The following BMPR1B variants were observed in gnomAD, a reference collection of about 807,000 sequenced individuals.
BMPR1B encodes bone morphogenetic protein receptor type-1B.
BMPR1B carries 12 observed loss-of-function variants against 59.1 expected under a neutral mutation model. That is an observed-to-expected ratio of 0.20 (90% CI 0.13 to 0.33). BMPR1B has a LOEUF of 0.33. Ranked by LOEUF, BMPR1B falls within the 10% of genes least tolerant of loss-of-function variation. The probability of loss-of-function intolerance (pLI) is 1.00; values close to 1 mark genes in which losing one functional copy is unlikely to be tolerated. For synonymous variants in BMPR1B, 237 were observed against 207.3 expected (o/e 1.14, Z -1.23); for missense variants, 550 against 610.9 (o/e 0.90, Z 1.05).
chr4:94,891,190 T>A (rs1262546648), intron 2 of BMPR1B, among the ~76,000 whole-genome samples: 1 of 152,076 alleles, frequency 6.6e-6, no homozygotes, highest in Non-Finnish European at 1.5e-5. Flanking sequence ...ATAGCTTGTT[T>A]GGTAACTTAA....
At chr4:95,044,873 G>GT (rs1419124996) in intron 3 of BMPR1B, among the ~76,000 whole-genome samples, 29 of 151,690 alleles carry the variant, frequency 1.9e-4, no homozygotes, top group East Asian at 3.9e-4. Flanking sequence ...TCTATTGTTA[G>GT]TTTTTTTTTC....
At chr4:94,917,291 G>C (rs1293631654) in intron 2 of BMPR1B, among the ~76,000 whole-genome samples, 1 of 152,188 alleles carries the variant, frequency 6.6e-6, no homozygotes, top group African/African-American at 2.4e-5. Flanking sequence ...CTCTCCTCCA[G>C]ACCACAGAAT....
At chr4:94,900,650 T>TG (rs1001840618) in intron 2 of BMPR1B, among the ~76,000 whole-genome samples, 44 of 152,158 alleles carry the variant, frequency 2.9e-4, no homozygotes, top group African/African-American at 1.1e-3. Flanking sequence ...AGGCAGAAGT[T>TG]GGGACAGCAT....
intron 1 of BMPR1B, among the ~76,000 whole-genome samples, chr4:94,840,234 T>C (rs942878902): frequency 4.0e-4 from 59 of 147,900 alleles, no homozygotes; most frequent in Non-Finnish European, 9.0e-5. Context: ...CTGACAATTA[T>C]GTGTCTTGGA....
chr4:94,947,202 G>T (rs146400430), intron 2 of BMPR1B, among the ~76,000 whole-genome samples: 1 of 152,196 alleles, frequency 6.6e-6, no homozygotes, highest in Non-Finnish European at 1.5e-5. Context: ...TCAAAAATGA[G>T]AGAATTGATG....
chr4:94,927,732 T>C (rs548356305), intron 2 of BMPR1B, among the ~76,000 whole-genome samples: 1 of 152,158 alleles, frequency 6.6e-6, no homozygotes, highest in South Asian at 2.1e-4. Context: ...GGGAGAACCA[T>C]TGAAAGCTGA....
In BMPR1B at chr4:95,125,010, A is replaced by G; in HGVS notation, c.474A>G (p.Arg158=). Residue 158 remains arginine, a synonymous_variant, in exon 8 of 13, where the codon CGA becomes CGG. Transcript: ENST00000515059. ...FRYKRQETRP[R]YSIGLEQDET... ...ATAAAAGACAAGAAACCAGACCTCGATACAGCATTGGGTTAGAACAGGATG... is the reference window on the plus strand; with the variant it reads ...ATAAAAGACAAGAAACCAGACCTCGGTACAGCATTGGGTTAGAACAGGATG... The G allele has an allele frequency of 1.9e-6, 3 of 1,613,478 alleles. No individual in the cohort carries two copies. Among genetic ancestry groups the G allele is most frequent in the Non-Finnish European group, 2.5e-6 (3 of 1,179,426 alleles).
intron 1 of BMPR1B, among the ~76,000 whole-genome samples, chr4:94,860,669 T>C (rs1232514202): frequency 1.3e-5 from 2 of 152,196 alleles, no homozygotes; most frequent in African/African-American, 4.8e-5. Flanking sequence ...TTGCTTCCCC[T>C]GTCAATAAGC....
Position 95,148,750 on chromosome 4 carries a change from A to G in BMPR1B, c.1079A>G (p.Asp360Gly), listed in dbSNP as rs763992306. 3 of 1,613,810 alleles carry G rather than the reference A, an allele frequency of 1.9e-6. No homozygotes were observed. The South Asian group carries it at 3.3e-5, about 18-fold the overall frequency. Residue 360 changes from aspartate (D) to glycine (G), a missense_variant and splice_region_variant, in exon 11 of 13, where the codon GAT becomes GGT. By Grantham distance (94) the Asp-to-Gly change is moderately conservative (BLOSUM62 -1). Transcript: ENST00000515059. ...GCTTTGCTTTACTTTTTCCTTAGTG[A>G]TACAAATGAAGTTGACATACCACCT... ...DLGLAVKFIS[D>G]TNEVDIPPNT...
intron 2 of BMPR1B, among the ~76,000 whole-genome samples, chr4:94,882,794 T>G (rs980142877): frequency 6.6e-6 from 1 of 152,172 alleles, no homozygotes; most frequent in Non-Finnish European, 1.5e-5. Flanking sequence ...AAAGATTGTT[T>G]ATCAGTTTTC....
chr4:94,827,885 T>C (rs2110665401), intron 1 of BMPR1B, among the ~76,000 whole-genome samples: 1 of 152,286 alleles, frequency 6.6e-6, no homozygotes, highest in Non-Finnish European at 1.5e-5. Context: ...GGAATGTGAG[T>C]CAAAAGACAT....
intron 3 of BMPR1B, among the ~76,000 whole-genome samples, chr4:95,017,527 GTGT>G (rs1486996888): frequency 6.6e-6 from 1 of 152,254 alleles, no homozygotes; most frequent in Non-Finnish European, 1.5e-5. Flanking sequence ...CTTCACCCCA[GTGT>G]GCCACAAAGT....
intron 2 of BMPR1B, among the ~76,000 whole-genome samples, chr4:94,957,333 G>GTTTTTTTTTTTTTT: frequency 1.5e-5 from 1 of 65,638 alleles, no homozygotes; most frequent in Non-Finnish European, 2.8e-5. Context: ...CCTGTTTCGT[G>GTTTTTTTTTTTTTT]TTTTTTTTTT....
intron 2 of BMPR1B, among the ~76,000 whole-genome samples, chr4:94,986,409 C>T (rs774467404): frequency 6.6e-5 from 10 of 152,112 alleles, no homozygotes; most frequent in Admixed American, 2.0e-4. Flanking sequence ...ATCTCATGAA[C>T]GTAAAGTTTT....
At chr4:95,135,224 T>G (rs578251682) in intron 10 of BMPR1B, among the ~76,000 whole-genome samples, 347 of 152,258 alleles carry the variant, frequency 2.3e-3, no homozygotes, top group Admixed American at 4.6e-3. Flanking sequence ...GGTCTATATC[T>G]CTGTTTTGGT....
At chr4:95,136,199 T>C (rs988120766) in intron 10 of BMPR1B, among the ~76,000 whole-genome samples, 1 of 151,934 alleles carries the variant, frequency 6.6e-6, no homozygotes, top group Non-Finnish European at 1.5e-5. Context: ...GGACTACATT[T>C]ATTGATTATG....
intron 3 of BMPR1B, among the ~76,000 whole-genome samples, chr4:95,005,238 G>A (rs942283183): frequency 3.3e-5 from 5 of 152,096 alleles, no homozygotes; most frequent in Non-Finnish European, 2.9e-5. Flanking sequence ...TGTAGAGGTA[G>A]AGAATCAATT....
chr4:94,871,527 C>A (rs991457013), intron 1 of BMPR1B, among the ~76,000 whole-genome samples: 1 of 152,200 alleles, frequency 6.6e-6, no homozygotes, highest in Non-Finnish European at 1.5e-5. Flanking sequence ...TATATCCCCT[C>A]CCCCCACATA....
At chr4:95,123,686 A>G (rs1732693771) in intron 6 of BMPR1B, 124 bp from the exon 7 acceptor site, 2 of 747,986 alleles carry the variant, frequency 2.7e-6, no homozygotes, top group Non-Finnish European at 4.5e-6. Flanking sequence ...ATTAATTGGT[A>G]TGTGAAAAGG....
Sources: gnomAD v4.1 joint callset for allele counts (sites outside exome capture counted in the v4.1 genomes callset) on GRCh38, gnomAD v4.1.1 for gene constraint, MANE v1.5 for transcripts, NCBI Gene and HGNC (gene_info 2026-07-23, HGNC 2026-07-21) for gene names.